Variants in LRCH3 observed in about 807,000 individuals in gnomAD.
The protein encoded by LRCH3 is leucine rich repeats and calponin homology domain containing 3.
In LRCH3, 68 loss-of-function variants were observed where a neutral mutation model predicts 104.5. The observed-to-expected ratio is 0.65, with a 90% CI of 0.54 to 0.80. The LOEUF is 0.80. Among genes scored for constraint, LRCH3 ranks in the 30% least tolerant of loss-of-function variants. LRCH3 has a pLI of 0.00. For synonymous variants in LRCH3, 344 were observed against 361.3 expected (o/e 0.95, Z 0.54); for missense variants, 951 against 953.9 (o/e 1.00, Z 0.04).
intron 1 of LRCH3, among the ~76,000 whole-genome samples, chr3:197,794,160 A>AT (rs1420957229): frequency 2.0e-5 from 3 of 152,114 alleles, no homozygotes; most frequent in African/African-American, 7.2e-5. Context: ...CACTGGTAGG[A>AT]TTTTGGCCCA....
rs113243831 is a variant in LRCH3 at position 197,807,250 on chromosome 3, T to C, written c.263-7658T>C. 1.8e-4 allele frequency among the ~76,000 whole-genome samples: 27 copies of C among 151,160 alleles called. 1 individual carries two copies. Among genetic ancestry groups the C allele is most frequent in the African/African-American group, 6.3e-4 (26 of 41,170 alleles). On this transcript the variant is annotated intron_variant, in intron 1 of 20. Transcript: ENST00000425562. ...TTTTTTTTTTGAGACGGAGTCTCGTTCTGTCGCCCAGGCTGGAGTGCAGTG... is the reference window on the plus strand; with the variant it reads ...TTTTTTTTTTGAGACGGAGTCTCGTCCTGTCGCCCAGGCTGGAGTGCAGTG...
At chr3:197,833,328 T>A (rs374776940) in intron 8 of LRCH3, among the ~76,000 whole-genome samples, 24 of 116,124 alleles carry the variant, frequency 2.1e-4, no homozygotes, top group African/African-American at 8.0e-4. Context: ...GAGACCAGCC[T>A]GGCCAACATG....
In LRCH3 at chr3:197,791,376, G is replaced by A; in HGVS notation, c.98G>A (p.Ser33Asn). The change falls in exon 1 of 21, where the codon AGC becomes AAC. Residue 33 changes from serine to asparagine, a missense_variant. Physicochemically the swap from Ser to Asn is conservative, Grantham distance 46 (BLOSUM62 1). Coordinates refer to ENST00000425562, the MANE Select transcript of LRCH3 (RefSeq NM_001365715.1). ...GNLPGVHCGP[S>N]SGAGPGFGPG... is the part of the protein sequence containing the mutation. ...CTCCCTGGTGTTCACTGCGGCCCAA[G>A]CTCCGGGGCAGGCCCTGGTTTTGGC... 1.9e-6 allele frequency: 3 copies of A among 1,599,906 alleles called. No homozygotes were observed. The highest frequency in any genetic ancestry group is 2.6e-6 in the Non-Finnish European group (3 of 1,174,714).
chr3:197,835,648 T>G (rs774057669), intron 8 of LRCH3, 26 bp from the exon 9 acceptor site: 2 of 1,592,750 alleles, frequency 1.3e-6, no homozygotes, highest in Non-Finnish European at 8.6e-7. Flanking sequence ...TGTGTGTGTG[T>G]GTGGGTGTGT....
chr3:197,807,249 T>C (rs139090125), intron 1 of LRCH3, among the ~76,000 whole-genome samples: 5,207 of 149,992 alleles, frequency 0.035, 163 homozygotes, highest in African/African-American at 0.075. Context: ...CGGAGTCTCG[T>C]TCTGTCGCCC....
chr3:197,879,563 G>GT (rs1560063318), intron 20 of LRCH3, among the ~76,000 whole-genome samples: 7 of 151,860 alleles, frequency 4.6e-5, no homozygotes, highest in East Asian at 1.9e-4. Context: ...GGAGAATGGC[G>GT]GGAACCCGGG....
Position 197,888,383 on chromosome 3 carries a change from C to G in LRCH3, c.*4717C>G, listed in dbSNP as rs1478179519. 6.6e-6 allele frequency: 1 copy of G among 152,190 alleles called. No individual in the cohort carries two copies. Among genetic ancestry groups the G allele is most frequent in the African/African-American group, 2.4e-5 (1 of 41,426 alleles). The allele number at this position is 152,190 out of a possible 1,614,324, so 9.4% of individuals were successfully genotyped here. On this transcript the variant is annotated 3_prime_UTR_variant, in exon 21 of 21. Transcript: ENST00000425562. ...GTTATTTTAAATTGCCTGTACGCCA[C>G]TTTACACATTGACATTCAAATAAAA...
intron 1 of LRCH3, among the ~76,000 whole-genome samples, chr3:197,799,829 C>T (rs1159504811): frequency 3.3e-5 from 5 of 149,618 alleles, no homozygotes; most frequent in South Asian, 2.1e-4. Flanking sequence ...GCCGAGATCA[C>T]GTCACTGCAC....
At chr3:197,838,245 C>G (rs1447773117) in intron 9 of LRCH3, among the ~76,000 whole-genome samples, 1 of 152,222 alleles carries the variant, frequency 6.6e-6, no homozygotes, top group African/African-American at 2.4e-5. Context: ...CATAGCGACA[C>G]TCTGTCTCCA....
chr3:197,880,899 T>C, intron 20 of LRCH3: 2 of 1,429,350 alleles, frequency 1.4e-6, no homozygotes, highest in African/African-American at 2.9e-5. Flanking sequence ...AGTAAACATT[T>C]ACGATTGCTA....
rs1426636782 is a variant in LRCH3, at chr3:197,812,777, G to A, written c.263-2131G>A. On this transcript the variant is annotated intron_variant, in intron 1 of 20. Transcript: ENST00000425562. ...GGGTTTCGCCATGTTGGCCAGGCTG[G>A]TCTCGAACTCCTGACCTCAAGTGAT... Among the ~76,000 whole-genome samples the A allele has an allele frequency of 3.3e-5, 5 of 152,136 alleles. No individual in the cohort carries two copies. In the East Asian group the frequency reaches 9.7e-4, roughly 29 times the overall value.
intron 1 of LRCH3, among the ~76,000 whole-genome samples, chr3:197,794,521 A>G (rs576637164): frequency 2.0e-5 from 3 of 152,358 alleles, no homozygotes; most frequent in Admixed American, 2.0e-4. Context: ...AAGTAAAATT[A>G]GTTGAATGCT....
intron 17 of LRCH3, among the ~76,000 whole-genome samples, chr3:197,866,930 G>A (rs564375458): frequency 2.2e-4 from 34 of 151,720 alleles, no homozygotes; most frequent in Non-Finnish European, 3.5e-4. Context: ...ACTTGAGGTC[G>A]GGAGTTTGAG....
chr3:197,864,850 G>A (rs1741299975), intron 15 of LRCH3, among the ~76,000 whole-genome samples: 1 of 151,338 alleles, frequency 6.6e-6, no homozygotes, highest in South Asian at 2.1e-4. Context: ...GCAAGACACT[G>A]TCTCTACAAA....
intron 10 of LRCH3, 65 bp downstream of exon 10, chr3:197,839,462 G>A (rs539579133): frequency 2.1e-6 from 2 of 965,690 alleles, no homozygotes; most frequent in African/African-American, 1.7e-5. Flanking sequence ...AGTAATTTTG[G>A]TTTTATGCAG....
intron 15 of LRCH3, among the ~76,000 whole-genome samples, chr3:197,862,963 C>G (rs1741055308): frequency 1.3e-5 from 2 of 152,138 alleles, no homozygotes; most frequent in South Asian, 4.1e-4. Flanking sequence ...TGAGAATTTT[C>G]TCAACATATG....
Position 197,847,976 on chromosome 3 carries a change from A to C in LRCH3, c.1485A>C (p.Ile495=). Residue 495 remains isoleucine, a synonymous_variant, in exon 12 of 21, where the codon ATA becomes ATC. Coordinates refer to ENST00000425562, the MANE Select transcript of LRCH3 (RefSeq NM_001365715.1). The part of the protein sequence containing the change: ...LAALQYEEEK[I]RTKQIQRDAV... ...CCCTGCAGTATGAGGAGGAGAAAATAAGGACCAAGCAGATCCAGAGAGATG... is the reference window on the plus strand; with the variant it reads ...CCCTGCAGTATGAGGAGGAGAAAATCAGGACCAAGCAGATCCAGAGAGATG... 6.2e-7 allele frequency: 1 copy of C among 1,614,140 alleles called. No individual in the cohort carries two copies. The highest frequency in any genetic ancestry group is 8.5e-7 in the Non-Finnish European group (1 of 1,179,990).
At chr3:197,825,703 T>A (rs1298504309) in intron 4 of LRCH3, among the ~76,000 whole-genome samples, 1 of 151,726 alleles carries the variant, frequency 6.6e-6, no homozygotes, top group African/African-American at 2.4e-5. Flanking sequence ...ATGGTCTCGA[T>A]CTCCTGACCT....
At chr3:197,852,353 T>C in intron 12 of LRCH3, 1 of 527,814 alleles carries the variant, frequency 1.9e-6, no homozygotes, top group Non-Finnish European at 3.4e-6. Context: ...GAGGTCAATA[T>C]TCTGATTATA....
Sources: gnomAD v4.1 joint callset for allele counts (sites outside exome capture counted in the v4.1 genomes callset) on GRCh38, gnomAD v4.1.1 for gene constraint, MANE v1.5 for transcripts, NCBI Gene and HGNC (gene_info 2026-07-23, HGNC 2026-07-21) for gene names.